Variants in KCNT2 observed in about 807,000 individuals in gnomAD.
KCNT2 encodes potassium sodium-activated channel subfamily T member 2, also known as potassium channel subfamily T member 2.
KCNT2 carries 67 observed loss-of-function variants against 153.8 expected under a neutral mutation model. The observed-to-expected ratio is 0.44, with a 90% CI of 0.36 to 0.53. The LOEUF is 0.53. Among genes scored for constraint, KCNT2 ranks in the 20% least tolerant of loss-of-function variants. The pLI is 0.00. For synonymous variants in KCNT2, 500 were observed against 458.8 expected (o/e 1.09, Z -1.15); for missense variants, 975 against 1,354.8 (o/e 0.72, Z 4.40).
At chr1:196,371,220 C>CAAA (rs952744388) in intron 14 of KCNT2, among the ~76,000 whole-genome samples, 621 of 21,948 alleles carry the variant, frequency 0.028, 182 homozygotes, top group African/African-American at 0.073. Flanking sequence ...CCCGTCACTA[C>CAAA]AAAAAAAAAA....
At chr1:196,246,015 T>C (rs150734663) in intron 26 of KCNT2, among the ~76,000 whole-genome samples, 1 of 152,054 alleles carries the variant, frequency 6.6e-6, no homozygotes, top group East Asian at 1.9e-4. Context: ...ATCAAGCAGA[T>C]TAATCAAAAT....
chr1:196,433,214 T>A (rs1408364075), intron 8 of KCNT2, among the ~76,000 whole-genome samples: 1 of 152,078 alleles, frequency 6.6e-6, no homozygotes. Context: ...GAAAAAGGAA[T>A]TTCTATTGTT....
intron 1 of KCNT2, among the ~76,000 whole-genome samples, chr1:196,556,480 T>C (rs550644634): frequency 6.6e-6 from 1 of 151,580 alleles, no homozygotes; most frequent in Admixed American, 6.6e-5. Context: ...ATGGCTTTTT[T>C]CCAAAAGTCA....
intron 4 of KCNT2, 139 bp downstream of exon 4, chr1:196,482,192 T>A: frequency 1.6e-6 from 1 of 615,520 alleles, no homozygotes; most frequent in Non-Finnish European, 2.9e-6. Context: ...GAAATGAAAA[T>A]GTTAGTCCAA....
At chr1:196,276,302 T>G (rs1411019210) in intron 25 of KCNT2, among the ~76,000 whole-genome samples, 2 of 152,092 alleles carry the variant, frequency 1.3e-5, no homozygotes, top group African/African-American at 2.4e-5. Context: ...CCTGCACACA[T>G]TCTTTCATTG....
intron 13 of KCNT2, among the ~76,000 whole-genome samples, chr1:196,386,847 A>C (rs1670033324): frequency 6.6e-6 from 1 of 152,084 alleles, no homozygotes; most frequent in Non-Finnish European, 1.5e-5. Context: ...TTATGAATGA[A>C]AGTGGCTTTA....
At chr1:196,467,993 C>T (rs966645289) in intron 6 of KCNT2, among the ~76,000 whole-genome samples, 3 of 151,962 alleles carry the variant, frequency 2.0e-5, no homozygotes, top group East Asian at 1.9e-4. Flanking sequence ...GAAATTATTG[C>T]AGAAGCAAAA....
At chr1:196,436,237 G>A (rs922555239) in intron 8 of KCNT2, among the ~76,000 whole-genome samples, 5 of 151,406 alleles carry the variant, frequency 3.3e-5, no homozygotes, top group African/African-American at 1.2e-4. Context: ...CAACTGGAGA[G>A]GTTTCAAAGA....
Position 196,236,039 on chromosome 1 carries a change from G to A in KCNT2, c.3243C>T (p.Ser1081=), listed in dbSNP as rs752101550. Residue 1081 remains serine (S), a synonymous_variant, in exon 27 of 28, where the codon TCC becomes TCT. Coordinates refer to ENST00000294725, the MANE Select transcript of KCNT2 (RefSeq NM_198503.5). Reference sequence around the variant, plus strand: ...CTGGAGATGGGTTAATCAGGATGTAGGAGAGGGTACTTTGATGATCATTCA... The same window carrying A: ...CTGGAGATGGGTTAATCAGGATGTAAGAGAGGGTACTTTGATGATCATTCA... ...DEMNDHQSTL[S]YILINPSPDT... 47 of 1,602,524 alleles carry A rather than the reference G, an allele frequency of 2.9e-5. 2 individuals are homozygous for A. The South Asian group carries it at 5.1e-4, about 17-fold the overall frequency.
At chr1:196,605,482 C>T (rs1312635165) in intron 1 of KCNT2, among the ~76,000 whole-genome samples, 5 of 152,182 alleles carry the variant, frequency 3.3e-5, no homozygotes, top group Non-Finnish European at 7.4e-5. Context: ...CCAGCTTGTT[C>T]TCCAAGCAGG....
At chr1:196,556,681 T>C (rs574526930) in intron 1 of KCNT2, among the ~76,000 whole-genome samples, 6 of 151,540 alleles carry the variant, frequency 4.0e-5, no homozygotes, top group South Asian at 4.1e-4. Flanking sequence ...CTGCACTCTC[T>C]TGTTTGTTGC....
intron 1 of KCNT2, among the ~76,000 whole-genome samples, chr1:196,531,543 A>G (rs1654941467): frequency 6.6e-6 from 1 of 152,100 alleles, no homozygotes; most frequent in African/African-American, 2.4e-5. Flanking sequence ...TATAGAACTC[A>G]CGGGTCAAAG....
intron 13 of KCNT2, among the ~76,000 whole-genome samples, chr1:196,397,141 A>G (rs982793154): frequency 6.6e-6 from 1 of 151,504 alleles, no homozygotes. Flanking sequence ...TAATCTGCCT[A>G]CCTGTCTTAA....
chr1:196,272,777 A>G (rs1238710048), intron 25 of KCNT2, among the ~76,000 whole-genome samples: 2 of 151,882 alleles, frequency 1.3e-5, no homozygotes, highest in Admixed American at 6.6e-5. Flanking sequence ...CCTTCTCTCA[A>G]AAAGTCAAAT....
At chr1:196,567,362 A>G (rs562774887) in intron 1 of KCNT2, among the ~76,000 whole-genome samples, 66 of 151,974 alleles carry the variant, frequency 4.3e-4, no homozygotes, top group African/African-American at 1.5e-3. Flanking sequence ...TCAAATGTCC[A>G]CTCCTCCCTG....
chr1:196,475,432 A>G (rs1678445929), intron 5 of KCNT2, among the ~76,000 whole-genome samples: 1 of 152,094 alleles, frequency 6.6e-6, no homozygotes, highest in Admixed American at 6.6e-5. Flanking sequence ...AGCCTAAGCA[A>G]CATAGCAAAA....
intron 21 of KCNT2, among the ~76,000 whole-genome samples, chr1:196,315,649 A>G (rs1473868043): frequency 6.6e-6 from 1 of 151,776 alleles, no homozygotes; most frequent in South Asian, 2.1e-4. Context: ...CTACTGTTAA[A>G]CTATCTGAGA....
rs147949636 is a variant in KCNT2 at position 196,517,058 on chromosome 1, G to A, written c.96-24717C>T. On this transcript the variant is annotated intron_variant, in intron 1 of 27. Coordinates refer to ENST00000294725, the MANE Select transcript of KCNT2 (RefSeq NM_198503.5). ...GCTCCCAATGGGAGTGGGGATTGCC[G>A]TATTTGCTTACAGCCTTCATGCTTG... 7.7e-3 allele frequency among the ~76,000 whole-genome samples: 1,171 copies of A among 152,246 alleles called. 11 individuals are homozygous for A. Among genetic ancestry groups the A allele is most frequent in the Non-Finnish European group, 0.011 (772 of 68,014 alleles).
intron 22 of KCNT2, among the ~76,000 whole-genome samples, chr1:196,301,423 A>C (rs1365704170): frequency 6.6e-6 from 1 of 152,124 alleles, no homozygotes; most frequent in African/African-American, 2.4e-5. Flanking sequence ...TGGAGGGCAA[A>C]GGGAAAATTT....
Sources: gnomAD v4.1 joint callset for allele counts (sites outside exome capture counted in the v4.1 genomes callset) on GRCh38, gnomAD v4.1.1 for gene constraint, MANE v1.5 for transcripts, NCBI Gene and HGNC (gene_info 2026-07-23, HGNC 2026-07-21) for gene names.